The following PHACTR3 variants were observed in gnomAD, a reference collection of about 807,000 sequenced individuals.
PHACTR3 encodes protein phosphatase 1, regulatory subunit 123.
A neutral mutation model predicts 66.8 loss-of-function variants in PHACTR3; 16 were observed. The observed-to-expected ratio is 0.24, with a 90% CI of 0.16 to 0.36. PHACTR3 has a LOEUF of 0.36. PHACTR3 is among the 10% of genes least tolerant of loss of function. The probability of loss-of-function intolerance (pLI) is 1.00; values close to 1 mark genes in which losing one functional copy is unlikely to be tolerated. For synonymous variants in PHACTR3, 323 were observed against 292.1 expected (o/e 1.11, Z -1.08); for missense variants, 647 against 719.9 (o/e 0.90, Z 1.16).
At chr20:59,839,673 G>A (rs2059023680) in intron 9 of PHACTR3, among the ~76,000 whole-genome samples, 2 of 152,110 alleles carry the variant, frequency 1.3e-5, no homozygotes, top group Admixed American at 6.5e-5. Context: ...GGGTAGGTGC[G>A]AGCACAGCTT....
chr20:59,624,253 T>C (rs2034367114), intron 1 of PHACTR3, among the ~76,000 whole-genome samples: 1 of 152,288 alleles, frequency 6.6e-6, no homozygotes, highest in African/African-American at 2.4e-5. Context: ...CCTCCGTGGC[T>C]GCATCCTACA....
chr20:59,836,179 C>T (rs766186096), intron 8 of PHACTR3: 4 of 236,478 alleles, frequency 1.7e-5, no homozygotes, highest in South Asian at 1.2e-4. Flanking sequence ...CAGATCTCCT[C>T]GCTGCTTAAA....
At chr20:59,585,533 C>T (rs537374640) in intron 1 of PHACTR3, among the ~76,000 whole-genome samples, 1 of 152,210 alleles carries the variant, frequency 6.6e-6, no homozygotes, top group South Asian at 2.1e-4. Flanking sequence ...ACCCCCAGCA[C>T]AGTAATCACC....
At chr20:59,778,895 T>C (rs1023833759) in intron 7 of PHACTR3, among the ~76,000 whole-genome samples, 20 of 151,946 alleles carry the variant, frequency 1.3e-4, no homozygotes, top group African/African-American at 4.6e-4. Context: ...GGTCTGAGAG[T>C]GGGGGAAGGT....
intron 8 of PHACTR3, among the ~76,000 whole-genome samples, chr20:59,834,868 C>T (rs34732992): frequency 0.045 from 6,780 of 152,280 alleles, 486 homozygotes; most frequent in African/African-American, 0.15. Flanking sequence ...CTGGGCCACA[C>T]TGGAAGAATT....
chr20:59,746,664 G>A (rs2039384454), intron 2 of PHACTR3, among the ~76,000 whole-genome samples: 2 of 152,236 alleles, frequency 1.3e-5, no homozygotes, highest in Admixed American at 1.3e-4. Flanking sequence ...TCCCCAACTA[G>A]ACATTAAGCT....
chr20:59,687,804 G>A (rs537056520), intron 1 of PHACTR3, among the ~76,000 whole-genome samples: 2 of 152,076 alleles, frequency 1.3e-5, no homozygotes, highest in Admixed American at 1.3e-4. Context: ...GCAGGACACT[G>A]TGCTAGGACA....
chr20:59,643,101 C>T (rs886566390), intron 1 of PHACTR3, among the ~76,000 whole-genome samples: 3 of 152,080 alleles, frequency 2.0e-5, no homozygotes, highest in African/African-American at 2.4e-5. Flanking sequence ...TTAGTAGAGA[C>T]GGGGTTTCAC....
chr20:59,656,198 T>C (rs936919474), intron 1 of PHACTR3, among the ~76,000 whole-genome samples: 5 of 151,884 alleles, frequency 3.3e-5, no homozygotes, highest in African/African-American at 1.2e-4. Context: ...TTCTTTTTTC[T>C]CCTTAATCTT....
At position 59,709,421 on chromosome 20, in the gene PHACTR3, C is replaced by G. The variant is rs559084485; in HGVS notation, c.119-33686C>G. Among the ~76,000 whole-genome samples the G allele has an allele frequency of 2.0e-5, 3 of 152,310 alleles. No homozygotes were observed. In the South Asian group the frequency reaches 6.2e-4, roughly 32 times the overall value. ...CAGACCAATTCTAAACCACCCTTTG[C>G]CAGTTAAAACCTTTTTGGCTTTCTT... On this transcript the variant is annotated intron_variant, in intron 1 of 12. Coordinates refer to ENST00000371015, the MANE Select transcript of PHACTR3 (RefSeq NM_080672.5).
intron 3 of PHACTR3, among the ~76,000 whole-genome samples, chr20:59,748,793 A>G (rs2039466688): frequency 6.6e-6 from 1 of 152,120 alleles, no homozygotes; most frequent in East Asian, 1.9e-4. Context: ...GCATGGATAT[A>G]TTGAATTCCT....
At chr20:59,716,313 C>G (rs1164499430) in intron 1 of PHACTR3, among the ~76,000 whole-genome samples, 1 of 151,436 alleles carries the variant, frequency 6.6e-6, no homozygotes, top group African/African-American at 2.4e-5. Context: ...GTGGTGCGAT[C>G]TCGATCTCAG....
intron 1 of PHACTR3, among the ~76,000 whole-genome samples, chr20:59,617,883 A>C (rs2034089960): frequency 6.6e-6 from 1 of 152,162 alleles, no homozygotes; most frequent in Non-Finnish European, 1.5e-5. Flanking sequence ...GGCTTGGGGA[A>C]TAGCGCAGCA....
Position 59,646,502 on chromosome 20 carries a change from T to C in PHACTR3, c.118+41370T>C, listed in dbSNP as rs1452634494. 7.2e-5 allele frequency among the ~76,000 whole-genome samples: 11 copies of C among 152,294 alleles called. No homozygotes were observed. The East Asian group carries it at 2.1e-3, about 29-fold the overall frequency. On this transcript the variant is annotated intron_variant, in intron 1 of 12. Coordinates refer to ENST00000371015, the MANE Select transcript of PHACTR3 (RefSeq NM_080672.5). ...CCTTACCATGTGATCTACTGAAATA[T>C]AGGAGTTACACTGAACGAAGTGAAA...
intron 1 of PHACTR3, among the ~76,000 whole-genome samples, chr20:59,584,709 C>G (rs948710571): frequency 6.6e-6 from 1 of 152,164 alleles, no homozygotes; most frequent in Non-Finnish European, 1.5e-5. Flanking sequence ...ACCTTCACTC[C>G]CCGGCCTTCA....
intron 1 of PHACTR3, among the ~76,000 whole-genome samples, chr20:59,715,056 A>T (rs975076066): frequency 6.6e-6 from 1 of 152,170 alleles, no homozygotes; most frequent in African/African-American, 2.4e-5. Context: ...TCTAATTAAG[A>T]TTATTTTGGA....
intron 1 of PHACTR3, among the ~76,000 whole-genome samples, chr20:59,717,045 T>G (rs2038120736): frequency 6.6e-6 from 1 of 152,254 alleles, no homozygotes; most frequent in Non-Finnish European, 1.5e-5. Flanking sequence ...AATTGAAATT[T>G]ATTATGCTCA....
intron 2 of PHACTR3, among the ~76,000 whole-genome samples, chr20:59,746,907 T>G (rs112562412): frequency 0.011 from 1,612 of 152,274 alleles, 27 homozygotes; most frequent in African/African-American, 0.035. Flanking sequence ...GGCGGGGAAA[T>G]CATCACAGCA....
At chr20:59,836,475 G>A in intron 8 of PHACTR3, 30 bp from the exon 9 acceptor site, 2 of 1,603,006 alleles carry the variant, frequency 1.2e-6, no homozygotes, top group East Asian at 2.3e-5. Context: ...CCACTATGGT[G>A]CAAAATGTAA....
Sources: allele counts gnomAD v4.1 joint callset (sites outside exome capture counted in the v4.1 genomes callset), GRCh38; gene constraint gnomAD v4.1.1; transcripts MANE v1.5; gene names NCBI Gene and HGNC (gene_info 2026-07-23, HGNC 2026-07-21).